Variants in CACNA1D observed in about 807,000 individuals in gnomAD.
CACNA1D encodes calcium voltage-gated channel subunit alpha1 D.
Under a neutral mutation model 257.1 loss-of-function variants are expected in CACNA1D, and 55 were observed. That is an observed-to-expected ratio of 0.21 (90% CI 0.17 to 0.27). The LOEUF is 0.27. Ranked by LOEUF, CACNA1D falls within the 10% of genes least tolerant of loss-of-function variation. The pLI is 1.00. For synonymous variants in CACNA1D, 980 were observed against 1,014.9 expected (o/e 0.97, Z 0.65); for missense variants, 1,876 against 2,784.0 (o/e 0.67, Z 7.34).
intron 3 of CACNA1D, among the ~76,000 whole-genome samples, chr3:53,609,396 C>T (rs1453522232): frequency 1.9e-5 from 2 of 108,046 alleles, no homozygotes; most frequent in Non-Finnish European, 3.4e-5. Flanking sequence ...GATGACAGAG[C>T]AAGACTCTAC....
chr3:53,718,407 T>G lies in CACNA1D; in HGVS notation c.1478+19T>G. 6.2e-7 allele frequency: 1 copy of G among 1,603,420 alleles called. No individual in the cohort carries two copies. The highest frequency in any genetic ancestry group is 1.3e-5 in the African/African-American group (1 of 74,826). The stretch of plus-strand genomic sequence containing the variant: ...GTCTCTGGTGAGTGTGGGGAGCACT[T>G]GCCCTCTTTCCCCTCCTGTTGTCTC... On this transcript the variant is annotated intron_variant, in intron 10 of 47. Transcript: ENST00000350061.
chr3:53,548,265 T>A (rs1294295671), intron 3 of CACNA1D, among the ~76,000 whole-genome samples: 3 of 151,990 alleles, frequency 2.0e-5, no homozygotes, highest in Non-Finnish European at 4.4e-5. Flanking sequence ...GAAGAAAACA[T>A]ACCTTGGCTT....
At chr3:53,566,540 C>A (rs1190584075) in intron 3 of CACNA1D, among the ~76,000 whole-genome samples, 1 of 152,110 alleles carries the variant, frequency 6.6e-6, no homozygotes, top group Non-Finnish European at 1.5e-5. Flanking sequence ...TGTCTGCCCT[C>A]CCTCGCTTCC....
At chr3:53,681,613 G>C (rs541507508) in intron 8 of CACNA1D, among the ~76,000 whole-genome samples, 1 of 152,324 alleles carries the variant, frequency 6.6e-6, no homozygotes, top group Non-Finnish European at 1.5e-5. Context: ...GGGTTACGGT[G>C]GTGGGATGTA....
At chr3:53,809,775 G>T in intron 46 of CACNA1D, 1 of 610,468 alleles carries the variant, frequency 1.6e-6, no homozygotes, top group Non-Finnish European at 2.9e-6. Flanking sequence ...ATGGATTCGG[G>T]GTAAAAGAAA....
At position 53,723,427 on chromosome 3, in the gene CACNA1D, T is replaced by A; in HGVS notation, c.1667-7T>A. 1 of 1,612,392 alleles carries A rather than the reference T, an allele frequency of 6.2e-7. No individual in the cohort carries two copies. The highest frequency in any genetic ancestry group is 8.5e-7 in the Non-Finnish European group (1 of 1,178,408). On this transcript the variant is annotated splice_region_variant and splice_polypyrimidine_tract_variant and intron_variant, in intron 12 of 47. Transcript: ENST00000350061. The surrounding 1 kb of genome is among the most constrained non-coding windows in gnomAD (Gnocchi z 5.6). ...CCCTGAGGATGGGTGCCCCTTTGTC[T>A]TTCCAGATATTGCCAACAAAGTCCT...
rs60026644 is a variant in CACNA1D, at chr3:53,684,621, CAAAAAAAAAA to C, written c.1220+11509_1220+11518del. Among the ~76,000 whole-genome samples the C allele has an allele frequency of 7.1e-4, 60 of 84,524 alleles. No individual in the cohort carries two copies. The South Asian group carries it at 7.5e-3, about 11-fold the overall frequency. 55.5% of individuals were successfully genotyped at this position (84,524 alleles called of 152,430 possible). On this transcript the variant is annotated intron_variant, in intron 8 of 47. Coordinates refer to ENST00000350061, the MANE Select transcript of CACNA1D (RefSeq NM_001128840.3). ...CTGGGCAACAAGAGTGAAACTCTGTCAAAAAAAAAAAAAAAAAAAAAAAGCATCAAAATGG... is the reference window on the plus strand; with the variant it reads ...CTGGGCAACAAGAGTGAAACTCTGTCAAAAAAAAAAAAAGCATCAAAATGG...
At position 53,723,496 on chromosome 3, in the gene CACNA1D, T is replaced by C. The variant is rs568565901; in HGVS notation, c.1729T>C (p.Leu577=). The C allele has an allele frequency of 3.1e-6, 5 of 1,614,140 alleles. No individual in the cohort carries two copies. In the South Asian group the frequency reaches 4.4e-5, roughly 14 times the overall value. ...TCEMLVKMYS[L]GLQAYFVSLF... ...CGAGATGCTGGTAAAAATGTACAGC[T>C]TGGGCCTCCAAGCATATTTCGTCTC... is the stretch of plus-strand genomic sequence containing the variant. Residue 577 remains leucine, a synonymous_variant, in exon 13 of 48, where the codon TTG becomes CTG. Transcript: ENST00000350061. This position sits in a 1 kb window ranked among gnomAD's most constrained non-coding sequence, Gnocchi z 5.6.
At chr3:53,718,827 G>T in intron 10 of CACNA1D, 1 of 1,182,636 alleles carries the variant, frequency 8.5e-7, no homozygotes, top group Non-Finnish European at 1.2e-6. Flanking sequence ...TGACTAGAAT[G>T]TGCTACGTAT....
chr3:53,681,309 G>T (rs779256883), intron 8 of CACNA1D, among the ~76,000 whole-genome samples: 6 of 152,190 alleles, frequency 3.9e-5, no homozygotes, highest in Non-Finnish European at 7.3e-5. Context: ...TGTCTTTGGA[G>T]GGCTTTCCGG....
intron 3 of CACNA1D, among the ~76,000 whole-genome samples, chr3:53,605,879 G>C (rs1230784451): frequency 1.3e-5 from 2 of 152,204 alleles, no homozygotes; most frequent in Non-Finnish European, 2.9e-5. Flanking sequence ...CTGGGTCCCA[G>C]GACCAAGCCC....
intron 37 of CACNA1D, among the ~76,000 whole-genome samples, chr3:53,779,453 A>G (rs2095414860): frequency 1.3e-5 from 2 of 151,936 alleles, no homozygotes; most frequent in African/African-American, 4.8e-5. Context: ...GTGTATATGT[A>G]TATACACACA....
intron 39 of CACNA1D, chr3:53,786,173 A>G (rs2095451671): frequency 6.5e-6 from 1 of 153,792 alleles, no homozygotes; most frequent in Non-Finnish European, 1.4e-5. Context: ...AGCAAAAATA[A>G]GCCCAGCTCA....
intron 3 of CACNA1D, among the ~76,000 whole-genome samples, chr3:53,580,684 A>G (rs1349231064): frequency 6.6e-6 from 1 of 152,208 alleles, no homozygotes; most frequent in Non-Finnish European, 1.5e-5. Flanking sequence ...GGAGACCATG[A>G]CCTATTTTGC....
chr3:53,529,712 G>C (rs879616748), intron 3 of CACNA1D, among the ~76,000 whole-genome samples: 4 of 152,198 alleles, frequency 2.6e-5, no homozygotes, highest in Non-Finnish European at 4.4e-5. Context: ...CAGTGCATCA[G>C]AGAGGCTGGG....
chr3:53,523,865 C>T (rs1312360611), intron 3 of CACNA1D, among the ~76,000 whole-genome samples: 3 of 152,194 alleles, frequency 2.0e-5, no homozygotes, highest in African/African-American at 4.8e-5. Flanking sequence ...AACAAAGAGA[C>T]TTGTTATTTT....
At chr3:53,550,600 G>T (rs78536063) in intron 3 of CACNA1D, among the ~76,000 whole-genome samples, 7,896 of 152,220 alleles carry the variant, frequency 0.052, 730 homozygotes, top group African/African-American at 0.18. Context: ...TAGAATGTTG[G>T]GTAATTTCTC....
At position 53,603,065 on chromosome 3, in the gene CACNA1D, G is replaced by A. The variant is rs771234601; in HGVS notation, c.484-47714G>A. 3.0e-4 allele frequency among the ~76,000 whole-genome samples: 46 copies of A among 152,342 alleles called. 1 individual carries two copies. Among genetic ancestry groups the A allele is most frequent in the South Asian group, 1.4e-3 (7 of 4,828 alleles). On this transcript the variant is annotated intron_variant, in intron 3 of 47. Transcript: ENST00000350061. ...TGGCACAGGTGAGGTCCCTAGAGCCGTGAAGGCCAGGAGGGCTGGTTGGGA... is the reference window on the plus strand; with the variant it reads ...TGGCACAGGTGAGGTCCCTAGAGCCATGAAGGCCAGGAGGGCTGGTTGGGA...
chr3:53,743,825 A>C (rs2095140256), intron 22 of CACNA1D, among the ~76,000 whole-genome samples: 1 of 152,044 alleles, frequency 6.6e-6, no homozygotes, highest in African/African-American at 2.4e-5. Context: ...ACATGCACAC[A>C]CCTGCCCTCT....
Sources: gnomAD v4.1 joint callset for allele counts (sites outside exome capture counted in the v4.1 genomes callset) on GRCh38, gnomAD v4.1.1 for gene constraint, Gnocchi (gnomAD v3.1) non-coding constraint, MANE v1.5 for transcripts, NCBI Gene and HGNC (gene_info 2026-07-23, HGNC 2026-07-21) for gene names.